The following ACADS variants were observed in gnomAD, a reference collection of about 807,000 sequenced individuals.
ACADS encodes the protein short-chain specific acyl-CoA dehydrogenase, mitochondrial.
A neutral mutation model predicts 46.8 loss-of-function variants in ACADS; 28 were observed. The ratio of observed to expected loss-of-function variants is 0.60; its 90% CI spans 0.44 to 0.82. ACADS has a LOEUF of 0.82. Among genes scored for constraint, ACADS ranks in the 40% least tolerant of loss-of-function variants. The pLI is 0.00. For synonymous variants in ACADS, 236 were observed against 237.7 expected (o/e 0.99, Z 0.07); for missense variants, 528 against 578.0 (o/e 0.91, Z 0.89).
At chr12:120,733,850 CAA>C (rs11405010) in intron 2 of ACADS, among the ~76,000 whole-genome samples, 23 of 119,656 alleles carry the variant, frequency 1.9e-4, no homozygotes, top group Non-Finnish European at 2.0e-4. Flanking sequence ...CCATCTCTAC[CAA>C]AAAAAAAAAA....
chr12:120,738,950 T>G (rs1210767327), intron 8 of ACADS, 35 bp downstream of exon 8: 1 of 1,609,826 alleles, frequency 6.2e-7, no homozygotes, highest in East Asian at 2.2e-5. Flanking sequence ...TGGCCCAGAA[T>G]GTGGTGGGCC....
At chr12:120,736,114 A>G (rs999663448) in intron 2 of ACADS, among the ~76,000 whole-genome samples, 21 of 151,878 alleles carry the variant, frequency 1.4e-4, no homozygotes, top group Non-Finnish European at 2.6e-4. Context: ...CACATTTCCC[A>G]TATTACTCAC....
At position 120,739,458 on chromosome 12, in the gene ACADS, G is replaced by A. The variant is rs761682729; in HGVS notation, c.*10G>A. 2.2e-5 allele frequency: 35 copies of A among 1,605,556 alleles called. No individual in the cohort carries two copies. Among genetic ancestry groups the A allele is most frequent in the Admixed American group, 1.8e-4 (11 of 59,916 alleles). On this transcript the variant is annotated 3_prime_UTR_variant, in exon 10 of 10. Coordinates refer to ENST00000242592, the MANE Select transcript of ACADS (RefSeq NM_000017.4). ...GAGCTACCGGAGCTGAGCCCGCGGC[G>A]GACTGCCCCAGGACTGCGGGAAGGC...
At chr12:120,738,505 G>A (rs1304713693) in intron 6 of ACADS, 28 bp from the exon 7 acceptor site, 5 of 1,606,066 alleles carry the variant, frequency 3.1e-6, no homozygotes, top group South Asian at 2.2e-5. Context: ...CCCGGCTGGC[G>A]GGCCACTGAC....
intron 2 of ACADS, among the ~76,000 whole-genome samples, chr12:120,729,469 G>T (rs954453723): frequency 6.6e-6 from 1 of 151,886 alleles, no homozygotes. Flanking sequence ...TGTTGGCCAG[G>T]CTGGTCTTGA....
Position 120,737,403 on chromosome 12 carries a change from G to C in ACADS, c.408G>C (p.Lys136Asn). 5.0e-6 allele frequency: 8 copies of C among 1,614,184 alleles called. No individual in the cohort carries two copies. The highest frequency in any genetic ancestry group is 6.8e-6 in the Non-Finnish European group (8 of 1,180,028). The change falls in exon 4 of 10, where the codon AAG becomes AAC. Residue 136 changes from lysine to asparagine, a missense_variant. By Grantham distance (94) the Lys-to-Asn change is moderately conservative. Transcript: ENST00000242592. ...PILKFGSKEQ[K>N]QAWVTPFTSG... ...TGAAGTTTGGCTCCAAGGAGCAGAA[G>C]CAGGCGTGGGTCACGCCTTTCACCA...
Position 120,738,931 on chromosome 12 carries a change from C to A in ACADS, c.1029+16C>A, listed in dbSNP as rs1301937473. 6 of 1,612,988 alleles carry A rather than the reference C, an allele frequency of 3.7e-6. No individual in the cohort carries two copies. The highest frequency in any genetic ancestry group is 5.1e-6 in the Non-Finnish European group (6 of 1,179,866). Reference sequence around the variant, plus strand: ...TTTCATCAAGGTGCCCACAGGGGTCCCCGAGCCATGGCCCAGAATGTGGTG... The same window carrying A: ...TTTCATCAAGGTGCCCACAGGGGTCACCGAGCCATGGCCCAGAATGTGGTG... On this transcript the variant is annotated intron_variant, in intron 8 of 9. Transcript: ENST00000242592.
Position 120,727,124 on chromosome 12 carries a change from G to T in ACADS, c.145G>T (p.Ala49Ser). Residue 49 changes from alanine (A) to serine (S), a missense_variant, in exon 2 of 10, where the codon GCC becomes TCC. Ala to Ser is a moderately conservative substitution (Grantham distance 99). Transcript: ENST00000242592. The part of the protein sequence containing the change: ...QMLLQTCRDF[A>S]EKELFPIAAQ... Reference sequence around the variant, plus strand: ...GTTGCTCCAGACATGCCGGGACTTTGCCGAGAAGGAGTTGTTTCCCATTGC... The same window carrying T: ...GTTGCTCCAGACATGCCGGGACTTTTCCGAGAAGGAGTTGTTTCCCATTGC... The T allele has an allele frequency of 1.2e-6, 2 of 1,614,190 alleles. No individual in the cohort carries two copies. The highest frequency in any genetic ancestry group is 1.7e-6 in the Non-Finnish European group (2 of 1,180,028).
rs753258340 is a variant in ACADS, at chr12:120,738,915, G to A, written c.1029G>A (p.Lys343=). 2 of 1,613,366 alleles carry A rather than the reference G, an allele frequency of 1.2e-6. No homozygotes were observed. Among genetic ancestry groups the A allele is most frequent in the South Asian group, 1.1e-5 (1 of 91,068 alleles). ...AGGATAACAAGAAGCCTTTCATCAA[G>A]GTGCCCACAGGGGTCCCCGAGCCAT... ...MLKDNKKPFI[K]EAAMAKLAAS... is the part of the protein sequence containing the mutation. The change falls in exon 8 of 10, where the codon AAG becomes AAA. Residue 343 remains lysine, a splice_region_variant and synonymous_variant. Transcript: ENST00000242592.
chr12:120,738,228 G>A (rs748119113), intron 5 of ACADS, 52 bp from the exon 6 acceptor site: 2 of 1,613,512 alleles, frequency 1.2e-6, no homozygotes, highest in Non-Finnish European at 1.7e-6. Context: ...GTGCTGGTGT[G>A]AGGGTGTGGC....
chr12:120,738,986 GTC>G, intron 8 of ACADS, 71 bp downstream of exon 8: 1 of 1,598,030 alleles, frequency 6.3e-7, no homozygotes, highest in Non-Finnish European at 8.6e-7. Flanking sequence ...GTTGGGGCGG[GTC>G]TCTGCTCCTT....
At position 120,739,490 on chromosome 12, in the gene ACADS, G is replaced by A. The variant is rs772439987; in HGVS notation, c.*42G>A. 1.3e-6 allele frequency: 2 copies of A among 1,588,874 alleles called. No homozygotes were observed. The highest frequency in any genetic ancestry group is 2.2e-5 in the South Asian group (2 of 90,226). On this transcript the variant is annotated 3_prime_UTR_variant, in exon 10 of 10. Transcript: ENST00000242592. The stretch of plus-strand genomic sequence containing the variant: ...CCCAGGACTGCGGGAAGGCGCGGGA[G>A]CCAGGGGCCTCCACCCCAACCCCGG...
chr12:120,736,770 CG>C (rs1002191456), intron 2 of ACADS, among the ~76,000 whole-genome samples: 1 of 152,082 alleles, frequency 6.6e-6, no homozygotes, highest in Non-Finnish European at 1.5e-5. Flanking sequence ...GGCGTGGAGG[CG>C]GGGGCAGGAC....
Position 120,728,585 on chromosome 12 carries a change from A to G in ACADS, c.210+1396A>G, listed in dbSNP as rs947750182. Among the ~76,000 whole-genome samples, 3 of 150,806 alleles carry G rather than the reference A, an allele frequency of 2.0e-5. No individual in the cohort carries two copies. Among genetic ancestry groups the G allele is most frequent in the Non-Finnish European group, 4.4e-5 (3 of 67,734 alleles). On this transcript the variant is annotated intron_variant, in intron 2 of 9. Coordinates refer to ENST00000242592, the MANE Select transcript of ACADS (RefSeq NM_000017.4). The surrounding 1 kb of genome is among the most constrained non-coding windows in gnomAD (Gnocchi z 4.0). ...AGTGGCGCGATCTCGGCTCACTGCA[A>G]CCTCCGCCTTCTGAGTTCAAACAAT...
At chr12:120,726,965 C>T (rs903362603) in intron 1 of ACADS, 61 bp from the exon 2 acceptor site, 24 of 1,596,928 alleles carry the variant, frequency 1.5e-5, no homozygotes, top group Non-Finnish European at 1.9e-5. Context: ...GTTAGTGGGT[C>T]ACTAGGATTC....
At chr12:120,737,766 A>G in intron 4 of ACADS, 71 bp from the exon 5 acceptor site, 1 of 1,601,538 alleles carries the variant, frequency 6.2e-7, no homozygotes. Flanking sequence ...AGGGGTGTGG[A>G]GGGAGTGAGG....
rs2229534 is a variant in ACADS, at chr12:120,739,563, G to A, written c.*115G>A. 0.019 allele frequency: 23,813 copies of A among 1,267,166 alleles called. 1,511 individuals are homozygous for A. In the East Asian group the frequency reaches 0.24, roughly 13 times the overall value. 78.5% of individuals were successfully genotyped at this position (1,267,166 alleles called of 1,614,324 possible). A position where few individuals can be genotyped will look rare whatever the true frequency, so the allele number is the denominator to read the frequency against. On this transcript the variant is annotated 3_prime_UTR_variant, in exon 10 of 10. Transcript: ENST00000242592. ...GGGGGCTCCCTGGGGACCCCAGATG[G>A]GCTCAGTGCTGCCACCCAGATCAGA...
rs780178412 is a variant in ACADS, at chr12:120,739,211, T to G, written c.1086+15T>G. 1.2e-6 allele frequency: 2 copies of G among 1,613,068 alleles called. No homozygotes were observed. The highest frequency in any genetic ancestry group is 1.7e-6 in the Non-Finnish European group (2 of 1,179,990). ...TCAGCCACCAGGTGAGTGTCCACAGTGAGCTCTGAGGGGGCCAGCTGCCCC... is the reference window on the plus strand; with the variant it reads ...TCAGCCACCAGGTGAGTGTCCACAGGGAGCTCTGAGGGGGCCAGCTGCCCC... On this transcript the variant is annotated intron_variant, in intron 9 of 9. Coordinates refer to ENST00000242592, the MANE Select transcript of ACADS (RefSeq NM_000017.4).
rs578192516 is a variant in ACADS at position 120,732,124 on chromosome 12, A to G, written c.211-4862A>G. Reference sequence around the variant, plus strand: ...ATTCCACAAAACTGCCATCGTCATCATGGCCTGTTCTCAATGAGCTGTTGG... The same window carrying G: ...ATTCCACAAAACTGCCATCGTCATCGTGGCCTGTTCTCAATGAGCTGTTGG... On this transcript the variant is annotated intron_variant, in intron 2 of 9. Coordinates refer to ENST00000242592, the MANE Select transcript of ACADS (RefSeq NM_000017.4). 1.1e-3 allele frequency among the ~76,000 whole-genome samples: 173 copies of G among 152,332 alleles called. 3 individuals carry two copies. Among genetic ancestry groups the G allele is most frequent in the East Asian group, 0.01 (54 of 5,186 alleles).
Sources: gnomAD v4.1 joint callset for allele counts (sites outside exome capture counted in the v4.1 genomes callset) on GRCh38, gnomAD v4.1.1 for gene constraint, Gnocchi (gnomAD v3.1) non-coding constraint, MANE v1.5 for transcripts, NCBI Gene and HGNC (gene_info 2026-07-23, HGNC 2026-07-21) for gene names.